The following CAST variants were observed in gnomAD, a reference collection of about 807,000 sequenced individuals.
CAST encodes calpastatin.
In CAST, 76 loss-of-function variants were observed where a neutral mutation model predicts 119.6. The observed-to-expected ratio is 0.64, with a 90% CI of 0.53 to 0.77. The LOEUF (loss-of-function observed/expected upper bound fraction) is 0.77, where lower values mean the gene tolerates loss of function less well. Among genes scored for constraint, CAST ranks in the 30% least tolerant of loss-of-function variants. CAST has a pLI of 0.00. For synonymous variants in CAST, 319 were observed against 331.6 expected (o/e 0.96, Z 0.41); for missense variants, 953 against 946.5 (o/e 1.01, Z -0.09).
intron 1 of CAST, among the ~76,000 whole-genome samples, chr5:96,666,832 G>A (rs201615872): frequency 1.3e-5 from 2 of 152,288 alleles, no homozygotes; most frequent in East Asian, 1.9e-4. Flanking sequence ...TGGGAACAGT[G>A]GGGGGTCATG....
At chr5:96,013,353 T>G in the CAST span, among the ~76,000 whole-genome samples, 3 of 151,910 alleles carry the variant, frequency 2.0e-5, no homozygotes, top group Non-Finnish European at 2.9e-5. Context: ...CATTTATACT[T>G]TTTGAATTCT....
chr5:96,289,187 T>C, the CAST span, among the ~76,000 whole-genome samples: 1 of 152,170 alleles, frequency 6.6e-6, no homozygotes, highest in African/African-American at 2.4e-5. Context: ...TCTCCTTCTA[T>C]GTTATACATA....
chr5:96,216,140 C>T, the CAST span, among the ~76,000 whole-genome samples: 2 of 152,058 alleles, frequency 1.3e-5, no homozygotes, highest in Non-Finnish European at 2.9e-5. Context: ...TTTTCTCTAG[C>T]TTGCTTTATT....
the CAST span, among the ~76,000 whole-genome samples, chr5:96,386,373 G>A: frequency 9.2e-5 from 14 of 152,222 alleles, no homozygotes; most frequent in East Asian, 5.8e-4. Flanking sequence ...AGGATTCCTC[G>A]TTGCAGTTCA....
the CAST span, among the ~76,000 whole-genome samples, chr5:96,483,698 GTTGA>G: frequency 6.6e-6 from 1 of 151,928 alleles, no homozygotes; most frequent in Non-Finnish European, 1.5e-5. Context: ...TAGGCTTTTT[GTTGA>G]TTGATTATTA....
At chr5:96,635,426 TTCATATAATCAAGAGGTTGGA>T (rs1747874258) in intron 1 of CAST, among the ~76,000 whole-genome samples, 1 of 152,200 alleles carries the variant, frequency 6.6e-6, no homozygotes, top group Non-Finnish European at 1.5e-5. Context: ...TTCGGGATGT[TTCATATAATCAAGAGGTTGGA>T]TGGGATCTTG....
chr5:96,113,312 G>A, the CAST span, among the ~76,000 whole-genome samples: 3 of 152,144 alleles, frequency 2.0e-5, no homozygotes, highest in East Asian at 5.8e-4. Context: ...TATAGAGAGT[G>A]GGTAATCCAA....
At chr5:96,675,493 C>T in intron 1 of CAST, 46 bp from the exon 2 acceptor site, 1 of 1,344,284 alleles carries the variant, frequency 7.4e-7, no homozygotes, top group South Asian at 1.2e-5. Context: ...TTACTGTCAT[C>T]TGTGTCATCT....
At chr5:95,976,623 G>C in the CAST span, among the ~76,000 whole-genome samples, 1 of 151,934 alleles carries the variant, frequency 6.6e-6, no homozygotes, top group African/African-American at 2.4e-5. Context: ...TATTGGTTTT[G>C]ACATCCAGGA....
At chr5:95,994,048 G>A in the CAST span, among the ~76,000 whole-genome samples, 8 of 152,066 alleles carry the variant, frequency 5.3e-5, no homozygotes, top group Non-Finnish European at 8.8e-5. Flanking sequence ...TGGGGCAACT[G>A]GAACTTCCTA....
chr5:96,334,152 T>C, the CAST span, among the ~76,000 whole-genome samples: 1 of 152,298 alleles, frequency 6.6e-6, no homozygotes, highest in East Asian at 1.9e-4. Flanking sequence ...TGTTGTTCAT[T>C]GTTAATTCAA....
At chr5:96,250,804 T>C in the CAST span, among the ~76,000 whole-genome samples, 9 of 151,984 alleles carry the variant, frequency 5.9e-5, no homozygotes, top group East Asian at 1.7e-3. Flanking sequence ...CCCTGAAGAG[T>C]AGAATAGGAC....
intron 1 of CAST, among the ~76,000 whole-genome samples, chr5:96,674,289 TG>T (rs1296127686): frequency 6.6e-6 from 1 of 150,878 alleles, no homozygotes; most frequent in East Asian, 1.9e-4. Context: ...GGAAGTGCCT[TG>T]TATATAATAA....
chr5:96,152,824 T>TC, the CAST span, among the ~76,000 whole-genome samples: 1 of 152,220 alleles, frequency 6.6e-6, no homozygotes, highest in Non-Finnish European at 1.5e-5. Flanking sequence ...CTTTCCTTTT[T>TC]CCCATTGGTG....
At chr5:96,648,677 C>T (rs914235347) in intron 1 of CAST, among the ~76,000 whole-genome samples, 1 of 151,836 alleles carries the variant, frequency 6.6e-6, no homozygotes, top group African/African-American at 2.4e-5. Context: ...CTTAGTACCT[C>T]TGCATTGTGA....
At chr5:96,583,538 GATA>G (rs777977533) in intron 1 of CAST, among the ~76,000 whole-genome samples, 11 of 152,098 alleles carry the variant, frequency 7.2e-5, no homozygotes, top group African/African-American at 1.2e-4. Flanking sequence ...GTAAGATGAA[GATA>G]ATAATAATAT....
intron 2 of CAST, among the ~76,000 whole-genome samples, chr5:96,680,354 CAAAAAAAAA>C (rs71617135): frequency 3.4e-5 from 1 of 29,292 alleles, no homozygotes; most frequent in Non-Finnish European, 5.9e-5. Flanking sequence ...GACTCTGTCT[CAAAAAAAAA>C]AAAAAAAAAA....
At chr5:96,252,788 C>T in the CAST span, among the ~76,000 whole-genome samples, 5 of 152,072 alleles carry the variant, frequency 3.3e-5, no homozygotes, top group East Asian at 3.8e-4. Flanking sequence ...AAGTTCATCC[C>T]GGTTGATTCA....
At chr5:96,436,725 A>C in the CAST span, among the ~76,000 whole-genome samples, 171 of 152,334 alleles carry the variant, frequency 1.1e-3, 1 homozygote, top group African/African-American at 4.0e-3. Context: ...GAAAATACAC[A>C]CACCTTTTAG....
Sources: gnomAD v4.1 joint callset for allele counts (sites outside exome capture counted in the v4.1 genomes callset) on GRCh38, gnomAD v4.1.1 for gene constraint, MANE v1.5 for transcripts, NCBI Gene and HGNC (gene_info 2026-07-23, HGNC 2026-07-21) for gene names.